Variants in NCAM1 observed in about 807,000 individuals in gnomAD.
The protein encoded by NCAM1 is antigen recognized by monoclonal antibody 5.1H11.
A neutral mutation model predicts 109.8 loss-of-function variants in NCAM1; 14 were observed. That is an observed-to-expected ratio of 0.13 (90% CI 0.08 to 0.20). The LOEUF (loss-of-function observed/expected upper bound fraction) is 0.20, where lower values mean the gene tolerates loss of function less well. NCAM1 is among the 10% of genes least tolerant of loss of function. The pLI is 1.00. For missense variants in NCAM1, 774 were observed against 1,109.9 expected (o/e 0.70, Z 4.30); for synonymous variants, 418 against 442.9 (o/e 0.94, Z 0.70).
intron 14 of NCAM1, among the ~76,000 whole-genome samples, chr11:113,238,897 T>C (rs189526136): frequency 1.7e-4 from 26 of 152,334 alleles, no homozygotes; most frequent in Admixed American, 9.8e-4. Context: ...CAGGCAGGTG[T>C]TGCTGCCGGA....
intron 1 of NCAM1, among the ~76,000 whole-genome samples, chr11:112,985,253 CT>C (rs10630754): frequency 1.3e-3 from 184 of 143,096 alleles, no homozygotes; most frequent in East Asian, 2.2e-3. Flanking sequence ...GTCTATGTAT[CT>C]TTTTTTTTTT....
At chr11:113,128,675 G>A (rs1453747196) in intron 1 of NCAM1, among the ~76,000 whole-genome samples, 4 of 152,074 alleles carry the variant, frequency 2.6e-5, no homozygotes, top group Non-Finnish European at 5.9e-5. Context: ...CTCTGTGCTT[G>A]GCTTAGAAGT....
chr11:113,271,107 C>T (rs757242025), intron 18 of NCAM1, among the ~76,000 whole-genome samples: 24 of 152,046 alleles, frequency 1.6e-4, no homozygotes, highest in East Asian at 1.9e-4. Flanking sequence ...GGGTGACTCA[C>T]GCCTGTAATC....
chr11:113,089,820 A>G (rs943387355), intron 1 of NCAM1, among the ~76,000 whole-genome samples: 3 of 152,230 alleles, frequency 2.0e-5, no homozygotes, highest in African/African-American at 7.2e-5. Context: ...ATTTTTCCCA[A>G]GAAAGATTAT....
At chr11:113,092,579 A>G (rs146346962) in intron 1 of NCAM1, among the ~76,000 whole-genome samples, 191 of 152,320 alleles carry the variant, frequency 1.3e-3, no homozygotes, top group African/African-American at 4.4e-3. Context: ...AGTTCTTGAT[A>G]AAATTGCAAT....
chr11:113,151,493 A>G (rs1428508981), intron 1 of NCAM1, among the ~76,000 whole-genome samples: 1 of 152,222 alleles, frequency 6.6e-6, no homozygotes, highest in Non-Finnish European at 1.5e-5. Context: ...ACATTCCCCT[A>G]CTTGAGAAAT....
intron 14 of NCAM1, among the ~76,000 whole-genome samples, chr11:113,238,821 G>A (rs1555118741): frequency 7.2e-5 from 11 of 152,202 alleles, no homozygotes. Context: ...CTGGAGTTGT[G>A]CTCTGGTTAT....
At chr11:113,203,402 G>A (rs1944133455) in intron 2 of NCAM1, among the ~76,000 whole-genome samples, 1 of 152,242 alleles carries the variant, frequency 6.6e-6, no homozygotes, top group African/African-American at 2.4e-5. Context: ...CTGAAAGGAA[G>A]ACTGCTTCAT....
At chr11:113,255,730 G>A (rs1945816091) in intron 15 of NCAM1, 147 bp from the exon 16 acceptor site, 1 of 939,432 alleles carries the variant, frequency 1.1e-6, no homozygotes, top group East Asian at 2.7e-5. Flanking sequence ...CTGGAATTCA[G>A]TTTTATATTT....
chr11:113,175,000 G>T (rs1305442934), intron 1 of NCAM1, among the ~76,000 whole-genome samples: 1 of 152,170 alleles, frequency 6.6e-6, no homozygotes, highest in Non-Finnish European at 1.5e-5. Flanking sequence ...GAGCCAAAAG[G>T]CTTCCTCCAT....
chr11:113,058,784 G>A (rs1318133440), intron 1 of NCAM1, among the ~76,000 whole-genome samples: 7 of 152,250 alleles, frequency 4.6e-5, no homozygotes, highest in Non-Finnish European at 5.9e-5. Context: ...TTTCATAGCC[G>A]GCTCAGCCTG....
At chr11:113,226,704 A>G (rs1055733204) in intron 9 of NCAM1, among the ~76,000 whole-genome samples, 18 of 152,224 alleles carry the variant, frequency 1.2e-4, no homozygotes, top group African/African-American at 4.3e-4. Flanking sequence ...AGCAAATGTA[A>G]AAGAACAGAA....
At chr11:113,048,610 T>G (rs1953351991) in intron 1 of NCAM1, among the ~76,000 whole-genome samples, 1 of 152,208 alleles carries the variant, frequency 6.6e-6, no homozygotes, top group African/African-American at 2.4e-5. Flanking sequence ...TTTTGCAAAA[T>G]GAGTAAAGGA....
chr11:113,014,544 T>C (rs1952159815), intron 1 of NCAM1, among the ~76,000 whole-genome samples: 2 of 152,226 alleles, frequency 1.3e-5, no homozygotes, highest in African/African-American at 2.4e-5. Context: ...AGGACTTTTA[T>C]TGAACTGTGT....
chr11:113,156,760 C>A (rs781807562), intron 1 of NCAM1, among the ~76,000 whole-genome samples: 16 of 152,194 alleles, frequency 1.1e-4, no homozygotes, highest in South Asian at 4.2e-4. Flanking sequence ...AAGACCACAG[C>A]TGTGTACCCT....
intron 1 of NCAM1, among the ~76,000 whole-genome samples, chr11:113,147,169 G>A (rs1041169630): frequency 6.6e-6 from 1 of 152,222 alleles, no homozygotes; most frequent in Non-Finnish European, 1.5e-5. Context: ...CGGTTTATCT[G>A]TTCCTACACT....
At chr11:113,147,160 G>A (rs868950699) in intron 1 of NCAM1, among the ~76,000 whole-genome samples, 1 of 152,144 alleles carries the variant, frequency 6.6e-6, no homozygotes, top group African/African-American at 2.4e-5. Context: ...GCTGCAATTC[G>A]GTTTATCTGT....
intron 1 of NCAM1, among the ~76,000 whole-genome samples, chr11:113,054,773 G>A (rs1313419889): frequency 5.9e-5 from 9 of 151,834 alleles, no homozygotes; most frequent in African/African-American, 2.2e-4. Flanking sequence ...CTACAATGTT[G>A]CTTGAAAGGC....
At chr11:112,986,548 T>G (rs1352732748) in intron 1 of NCAM1, among the ~76,000 whole-genome samples, 2 of 152,080 alleles carry the variant, frequency 1.3e-5, no homozygotes, top group Non-Finnish European at 2.9e-5. Flanking sequence ...CCTGGGCTTT[T>G]CTTTGATAGG....
Sources: gnomAD v4.1 joint callset for allele counts (sites outside exome capture counted in the v4.1 genomes callset) on GRCh38, gnomAD v4.1.1 for gene constraint, MANE v1.5 for transcripts, NCBI Gene and HGNC (gene_info 2026-07-23, HGNC 2026-07-21) for gene names.